The following CIRSR variants were observed in gnomAD, a reference collection of about 807,000 sequenced individuals.
CIRSR encodes corepressor of RBPJ and splicing regulator.
chr2:174,376,658 C>T, the CIRSR span, among the ~76,000 whole-genome samples: 3 of 151,730 alleles, frequency 2.0e-5, no homozygotes, highest in South Asian at 2.1e-4. Flanking sequence ...ATTAGCCAGG[C>T]GTGGTGGCAG....
chr2:174,357,596 T>C, the CIRSR span, among the ~76,000 whole-genome samples: 1 of 152,218 alleles, frequency 6.6e-6, no homozygotes, highest in South Asian at 2.1e-4. Context: ...AAATTGGCTA[T>C]ATCTAGCGAA....
the CIRSR span, among the ~76,000 whole-genome samples, chr2:174,388,724 T>C: frequency 2.6e-5 from 4 of 152,076 alleles, no homozygotes; most frequent in African/African-American, 9.6e-5. Context: ...ATATATAAAA[T>C]AAAATTATAT....
chr2:174,364,352 A>G, the CIRSR span, among the ~76,000 whole-genome samples: 1 of 152,198 alleles, frequency 6.6e-6, no homozygotes, highest in Admixed American at 6.5e-5. Flanking sequence ...CTGCTTTCAT[A>G]TGCTGGCGTT....
the CIRSR span, among the ~76,000 whole-genome samples, chr2:174,351,103 AAAG>A: frequency 8.5e-5 from 13 of 152,354 alleles, no homozygotes; most frequent in East Asian, 5.8e-4. Flanking sequence ...GAAATATAAA[AAAG>A]AAGATTATGA....
At chr2:174,386,954 A>G in the CIRSR span, among the ~76,000 whole-genome samples, 2 of 152,214 alleles carry the variant, frequency 1.3e-5, no homozygotes, top group Non-Finnish European at 2.9e-5. Context: ...ATAGGTCCCT[A>G]TAATACCACT....
the CIRSR span, among the ~76,000 whole-genome samples, chr2:174,392,950 G>T: frequency 6.6e-6 from 1 of 152,206 alleles, no homozygotes; most frequent in Admixed American, 6.5e-5. Context: ...AGTTGGATGT[G>T]ATTGCTTGGG....
the CIRSR span, chr2:174,349,123 T>C: frequency 4.5e-4 from 680 of 1,504,924 alleles, 1 homozygote; most frequent in African/African-American, 8.8e-3. Flanking sequence ...TGAAACTTTT[T>C]CTTTTTTCTA....
At chr2:174,348,425 T>C in the CIRSR span, 5 of 1,522,542 alleles carry the variant, frequency 3.3e-6, no homozygotes, top group Non-Finnish European at 4.4e-6. Flanking sequence ...GCTAAAGGTA[T>C]TCAATAAAAA....
At chr2:174,376,850 A>G in the CIRSR span, among the ~76,000 whole-genome samples, 56 of 152,116 alleles carry the variant, frequency 3.7e-4, no homozygotes, top group Non-Finnish European at 5.1e-4. Flanking sequence ...AGAAGAGCCA[A>G]TAACCAGCTT....
chr2:174,362,475 G>A, the CIRSR span, among the ~76,000 whole-genome samples: 43 of 151,954 alleles, frequency 2.8e-4, no homozygotes, highest in African/African-American at 1.0e-3. Flanking sequence ...GAGCTTGAAA[G>A]TCCTCTTATT....
the CIRSR span, chr2:174,380,267 A>G: frequency 6.4e-7 from 1 of 1,555,728 alleles, no homozygotes; most frequent in African/African-American, 1.4e-5. Context: ...AATAGAGGAA[A>G]TGTACAAACA....
the CIRSR span, chr2:174,387,525 T>A: frequency 1.5e-6 from 1 of 663,596 alleles, no homozygotes; most frequent in Non-Finnish European, 2.3e-6. Flanking sequence ...AAAGTGGTCA[T>A]CTACAGGTAT....
At chr2:174,380,774 T>C in the CIRSR span, 3 of 1,602,900 alleles carry the variant, frequency 1.9e-6, no homozygotes, top group Non-Finnish European at 2.6e-6. Context: ...CAACTGCAAG[T>C]AAATTCAGAC....
the CIRSR span, among the ~76,000 whole-genome samples, chr2:174,363,425 C>T: frequency 7.9e-5 from 12 of 152,212 alleles, no homozygotes; most frequent in African/African-American, 2.7e-4. Flanking sequence ...ACAGTAGACA[C>T]AGTCTTAAGG....
chr2:174,350,622 GA>G, the CIRSR span: 95 of 1,378,200 alleles, frequency 6.9e-5, no homozygotes, highest in Non-Finnish European at 8.3e-5. Context: ...GAATACTAAG[GA>G]AAAAATAAAT....
the CIRSR span, among the ~76,000 whole-genome samples, chr2:174,379,394 C>T: frequency 7.9e-5 from 12 of 152,196 alleles, no homozygotes; most frequent in African/African-American, 2.4e-4. Context: ...ATTTCAAAAC[C>T]TGGAGCTGGT....
the CIRSR span, among the ~76,000 whole-genome samples, chr2:174,354,025 C>T: frequency 2.2e-4 from 33 of 152,166 alleles, no homozygotes; most frequent in African/African-American, 7.5e-4. Flanking sequence ...CAGTTTTCAT[C>T]ACAAGATGGG....
the CIRSR span, among the ~76,000 whole-genome samples, chr2:174,364,652 C>T: frequency 1.3e-5 from 2 of 152,224 alleles, no homozygotes; most frequent in African/African-American, 4.8e-5. Context: ...TTGACTTCTG[C>T]ACACTTACAG....
chr2:174,392,802 T>A, the CIRSR span, among the ~76,000 whole-genome samples: 10 of 152,282 alleles, frequency 6.6e-5, no homozygotes, highest in Non-Finnish European at 1.2e-4. Context: ...ATATCAGATA[T>A]GTTGAGTTTG....
Sources: gnomAD v4.1 joint callset for allele counts (sites outside exome capture counted in the v4.1 genomes callset) on GRCh38, gnomAD v4.1.1 for gene constraint, MANE v1.5 for transcripts, NCBI Gene and HGNC (gene_info 2026-07-23, HGNC 2026-07-21) for gene names.